Variants in BOC observed in about 807,000 individuals in gnomAD.
BOC encodes the protein BOC cell adhesion associated, oncogene regulated, also known as brother of CDO.
In BOC, 76 loss-of-function variants were observed where a neutral mutation model predicts 112.0. The observed-to-expected ratio is 0.68, with a 90% confidence interval of 0.56 to 0.82. The LOEUF (loss-of-function observed/expected upper bound fraction) is 0.82, where lower values mean the gene tolerates loss of function less well. Ranked by LOEUF, BOC falls within the 40% of genes least tolerant of loss-of-function variation. The probability of loss-of-function intolerance (pLI) is 0.00; values close to 1 mark genes in which losing one functional copy is unlikely to be tolerated. For missense variants in BOC, 1,309 were observed against 1,511.7 expected, an observed-to-expected ratio of 0.87 and a Z score of 2.22; for synonymous variants, 580 against 599.8, an observed-to-expected ratio of 0.97 and a Z score of 0.48.
chr3:113,211,751 A>G lies in BOC; in HGVS notation c.-435A>G, dbSNP rs937941519. ...AGACACACAAACACACACAGAAAAG[A>G]CACACACGCGCACACACGGCGCGCA... On this transcript the variant is annotated 5_prime_UTR_variant, in exon 1 of 20. Transcript: ENST00000682979. The G allele has an allele frequency of 2.6e-5, 4 of 152,026 alleles. No individual in the cohort carries two copies. The highest frequency in any genetic ancestry group is 5.9e-5 in the Non-Finnish European group (4 of 68,120). The allele number at this position is 152,026 out of a possible 1,614,324, so 9.4% of individuals were successfully genotyped here.
chr3:113,214,387 C>T (rs58164425), intron 1 of BOC, among the ~76,000 whole-genome samples: 10 of 152,248 alleles, frequency 6.6e-5, no homozygotes, highest in Admixed American at 3.3e-4. Context: ...GGACCCCCCA[C>T]GGTTTGAAAA....
chr3:113,270,517 T>C, intron 5 of BOC: 1 of 352,834 alleles, frequency 2.8e-6, no homozygotes. Flanking sequence ...TATAAAATGC[T>C]CTTCTATTGA....
chr3:113,246,894 G>C lies in BOC; in HGVS notation c.-81-2828G>C, dbSNP rs557863623. 4.1e-4 allele frequency among the ~76,000 whole-genome samples: 62 copies of C among 152,254 alleles called. 1 individual carries two copies. Among genetic ancestry groups the C allele is most frequent in the African/African-American group, 1.3e-3 (54 of 41,538 alleles). ...TGTTTTTGAAAGCAGGATGGTGGCTGGCAGCAGCAACAGGATCTGTTTCCA... is the reference window on the plus strand; with the variant it reads ...TGTTTTTGAAAGCAGGATGGTGGCTCGCAGCAGCAACAGGATCTGTTTCCA... On this transcript the variant is annotated intron_variant, in intron 2 of 19. Coordinates refer to ENST00000682979, the MANE Select transcript of BOC (RefSeq NM_001378074.1).
intron 2 of BOC, among the ~76,000 whole-genome samples, chr3:113,217,919 A>C (rs1054611679): frequency 6.6e-6 from 1 of 152,190 alleles, no homozygotes. Flanking sequence ...TTTCATCTAC[A>C]TGAGATTTTA....
intron 2 of BOC, among the ~76,000 whole-genome samples, chr3:113,244,054 C>T (rs1446501240): frequency 6.6e-6 from 1 of 152,260 alleles, no homozygotes; most frequent in South Asian, 2.1e-4. Context: ...ATCTCTTAAC[C>T]GCCATGGCCC....
chr3:113,233,147 G>GT (rs1559816725), intron 2 of BOC, among the ~76,000 whole-genome samples: 35 of 133,598 alleles, frequency 2.6e-4, no homozygotes, highest in Admixed American at 1.8e-3. Context: ...TAAAGGATTG[G>GT]GGTGTGTGTG....
chr3:113,275,191 A>G (rs1296500946), intron 9 of BOC, among the ~76,000 whole-genome samples: 1 of 152,394 alleles, frequency 6.6e-6, no homozygotes, highest in East Asian at 1.9e-4. Flanking sequence ...ACACCCGCTC[A>G]GTTCTCAGAA....
At chr3:113,258,702 G>C (rs980110397) in intron 4 of BOC, among the ~76,000 whole-genome samples, 3 of 152,260 alleles carry the variant, frequency 2.0e-5, no homozygotes, top group Non-Finnish European at 4.4e-5. Flanking sequence ...GAGATTTGCA[G>C]CTGGGGCAGA....
chr3:113,248,923 G>T (rs1346855766), intron 2 of BOC, among the ~76,000 whole-genome samples: 3 of 151,986 alleles, frequency 2.0e-5, no homozygotes, highest in Non-Finnish European at 2.9e-5. Context: ...AGATTTTGTA[G>T]AGACGGAAAA....
intron 1 of BOC, among the ~76,000 whole-genome samples, chr3:113,215,481 T>C (rs949259582): frequency 2.6e-5 from 4 of 152,192 alleles, no homozygotes; most frequent in African/African-American, 9.7e-5. Context: ...GCCACCCAGT[T>C]AGACACCTTC....
rs569497342 is a variant in BOC at position 113,257,033 on chromosome 3, T to A, written c.376+6200T>A. Among the ~76,000 whole-genome samples the A allele has an allele frequency of 2.6e-5, 4 of 152,328 alleles. No individual in the cohort carries two copies. The South Asian group carries it at 8.3e-4, about 32-fold the overall frequency. On this transcript the variant is annotated intron_variant, in intron 4 of 19. Transcript: ENST00000682979. The stretch of plus-strand genomic sequence containing the variant: ...TAATTATTTTCTCAAAGTAAAAGAT[T>A]GTCTAGCAAAGTTGACACATGAAAT...
intron 2 of BOC, among the ~76,000 whole-genome samples, chr3:113,226,708 G>A (rs1941721446): frequency 6.6e-6 from 1 of 152,306 alleles, no homozygotes; most frequent in Non-Finnish European, 1.5e-5. Flanking sequence ...GCTAGGGGGT[G>A]CTGACCTGTC....
chr3:113,265,808 G>C (rs966146621), intron 4 of BOC, among the ~76,000 whole-genome samples: 7 of 152,378 alleles, frequency 4.6e-5, no homozygotes, highest in South Asian at 2.1e-4. Flanking sequence ...GATGAAAGCA[G>C]AGCATTAAAC....
At chr3:113,273,814 C>T (rs188663301) in intron 8 of BOC, among the ~76,000 whole-genome samples, 65 of 152,278 alleles carry the variant, frequency 4.3e-4, no homozygotes, top group Non-Finnish European at 2.2e-4. Flanking sequence ...TCAGCATTAT[C>T]GGGTGCCCAT....
chr3:113,278,022 T>C lies in BOC; in HGVS notation c.1543-73T>C, dbSNP rs1368669256. Reference sequence around the variant, plus strand: ...CCTGCCCTCTTGGGCTCAGCGCTGCTTTCTTTGTAAACCATAGCCCACTCG... The same window carrying C: ...CCTGCCCTCTTGGGCTCAGCGCTGCCTTCTTTGTAAACCATAGCCCACTCG... On this transcript the variant is annotated intron_variant, in intron 9 of 19. Transcript: ENST00000682979. The surrounding 1 kb of genome is among the most constrained non-coding windows in gnomAD (Gnocchi z 4.2). The C allele has an allele frequency of 1.9e-6, 3 of 1,568,732 alleles. No homozygotes were observed. Among genetic ancestry groups the C allele is most frequent in the East Asian group, 2.2e-5 (1 of 44,530 alleles).
intron 2 of BOC, among the ~76,000 whole-genome samples, chr3:113,248,840 G>A (rs776726854): frequency 3.9e-5 from 6 of 152,192 alleles, no homozygotes; most frequent in Non-Finnish European, 8.8e-5. Flanking sequence ...CAGATGGCTG[G>A]AGGTGCAGTG....
rs183263602 is a variant in BOC, at chr3:113,261,135, A to G, written c.377-7164A>G. ...GTCTCTCCCACCTGGAGTTCTGTTC[A>G]TCACAGCCACACCAAAGTGCTCATC... On this transcript the variant is annotated intron_variant, in intron 4 of 19. Transcript: ENST00000682979. 3.7e-3 allele frequency among the ~76,000 whole-genome samples: 567 copies of G among 152,232 alleles called. 2 individuals carry two copies. The highest frequency in any genetic ancestry group is 0.012 in the African/African-American group (519 of 41,552).
intron 2 of BOC, among the ~76,000 whole-genome samples, chr3:113,216,572 C>T (rs534804638): frequency 1.3e-4 from 20 of 152,220 alleles, no homozygotes; most frequent in African/African-American, 2.2e-4. Flanking sequence ...AAAAGTCCCG[C>T]GTAGGTTTGG....
In BOC at chr3:113,285,550, C is replaced by T; in HGVS notation, c.3145C>T (p.Pro1049Ser). The T allele has an allele frequency of 6.3e-7, 1 of 1,586,532 alleles. No homozygotes were observed. The highest frequency in any genetic ancestry group is 8.6e-7 in the Non-Finnish European group (1 of 1,165,696). The change falls in exon 19 of 20, where the codon CCT becomes TCT. Residue 1049 changes from proline (P) to serine (S), a missense_variant. By Grantham distance (74) the Pro-to-Ser change is moderately conservative. Transcript: ENST00000682979. ...DSPVLEAVWD[P>S]PFHSGPPCCL... Reference sequence around the variant, plus strand: ...TCCTGTCCTGGAAGCAGTGTGGGACCCTCCATTTCACTCAGGTTGGTTCCA... The same window carrying T: ...TCCTGTCCTGGAAGCAGTGTGGGACTCTCCATTTCACTCAGGTTGGTTCCA...
Sources: allele counts gnomAD v4.1 joint callset (sites outside exome capture counted in the v4.1 genomes callset), GRCh38; gene constraint gnomAD v4.1.1; non-coding constraint Gnocchi (gnomAD v3.1); transcripts MANE v1.5; gene names NCBI Gene and HGNC (gene_info 2026-07-23, HGNC 2026-07-21).